TBC1D22A: variants seen among roughly 807,000 people sequenced by gnomAD.
TBC1D22A encodes the protein TBC1 domain family member 22A.
Under a neutral mutation model 60.2 loss-of-function variants are expected in TBC1D22A, and 38 were observed. That is an observed-to-expected ratio of 0.63 (90% CI 0.49 to 0.83). The LOEUF is 0.83. Among genes scored for constraint, TBC1D22A ranks in the 40% least tolerant of loss-of-function variants. The probability of loss-of-function intolerance (pLI) is 0.00; values close to 1 mark genes in which losing one functional copy is unlikely to be tolerated. For missense variants in TBC1D22A, 628 were observed against 701.0 expected (o/e 0.90, Z 1.18); for synonymous variants, 302 against 281.7 (o/e 1.07, Z -0.72).
chr22:47,103,148 A>T (rs1030460895), intron 11 of TBC1D22A, among the ~76,000 whole-genome samples: 1 of 152,090 alleles, frequency 6.6e-6, no homozygotes, highest in Non-Finnish European at 1.5e-5. Context: ...GCTCCTGGTA[A>T]CCCAAGGTGG....
intron 10 of TBC1D22A, among the ~76,000 whole-genome samples, chr22:47,025,761 A>G (rs1344355688): frequency 1.3e-5 from 2 of 152,174 alleles, no homozygotes; most frequent in Non-Finnish European, 2.9e-5. Context: ...GGAAACGTAT[A>G]GTATAGAGTG....
At chr22:46,765,496 C>G (rs1349125365) in intron 1 of TBC1D22A, among the ~76,000 whole-genome samples, 3 of 152,020 alleles carry the variant, frequency 2.0e-5, no homozygotes. Flanking sequence ...GATGGAGTCT[C>G]ACTGTGTTGC....
intron 8 of TBC1D22A, among the ~76,000 whole-genome samples, chr22:46,944,181 C>G (rs542915277): frequency 1.3e-5 from 2 of 152,220 alleles, no homozygotes; most frequent in African/African-American, 4.8e-5. Context: ...TGTTTCTCCA[C>G]ATCCCTGTCA....
chr22:46,998,267 T>G (rs2075188089), intron 10 of TBC1D22A, among the ~76,000 whole-genome samples: 1 of 152,178 alleles, frequency 6.6e-6, no homozygotes, highest in African/African-American at 2.4e-5. Context: ...CATATTACAA[T>G]AGCAGAGTTT....
intron 10 of TBC1D22A, among the ~76,000 whole-genome samples, chr22:47,023,864 A>G (rs764814916): frequency 3.3e-5 from 5 of 152,256 alleles, no homozygotes; most frequent in Non-Finnish European, 7.3e-5. Context: ...GGTGGAAGGA[A>G]TATGGTCCTA....
intron 4 of TBC1D22A, among the ~76,000 whole-genome samples, chr22:46,811,578 C>T (rs79572487): frequency 0.074 from 11,247 of 152,230 alleles, 582 homozygotes; most frequent in Non-Finnish European, 0.11. Flanking sequence ...TCACAAGCAA[C>T]GGTCACAACG....
At chr22:46,850,474 A>C (rs1319669095) in intron 4 of TBC1D22A, among the ~76,000 whole-genome samples, 2 of 152,252 alleles carry the variant, frequency 1.3e-5, no homozygotes, top group African/African-American at 4.8e-5. Context: ...AGTTGTACCC[A>C]CTAGGATGAT....
chr22:46,869,828 G>A (rs998535304), intron 4 of TBC1D22A, among the ~76,000 whole-genome samples: 2 of 152,188 alleles, frequency 1.3e-5, no homozygotes, highest in Non-Finnish European at 2.9e-5. Context: ...AAAAAAAGAC[G>A]CTTAAATGAT....
intron 12 of TBC1D22A, among the ~76,000 whole-genome samples, chr22:47,126,920 C>CT (rs2066478821): frequency 1.3e-5 from 2 of 152,312 alleles, no homozygotes; most frequent in Admixed American, 6.5e-5. Context: ...TCTAGGGCTG[C>CT]TGGAGGGTCA....
At chr22:47,080,869 T>G (rs1027452811) in intron 11 of TBC1D22A, among the ~76,000 whole-genome samples, 12 of 152,132 alleles carry the variant, frequency 7.9e-5, no homozygotes, top group African/African-American at 2.7e-4. Flanking sequence ...ACGCCTGTAA[T>G]CCCAGCACTT....
chr22:46,951,849 A>C (rs1352822013), intron 8 of TBC1D22A, among the ~76,000 whole-genome samples: 4 of 152,248 alleles, frequency 2.6e-5, no homozygotes, highest in Non-Finnish European at 5.9e-5. Flanking sequence ...ATCCCTGAGC[A>C]CATCCAGGTG....
intron 11 of TBC1D22A, among the ~76,000 whole-genome samples, chr22:47,068,051 C>G (rs1300980671): frequency 6.6e-6 from 1 of 152,246 alleles, no homozygotes; most frequent in Non-Finnish European, 1.5e-5. Context: ...CACCAGAGTC[C>G]GCGAAAGCGC....
At chr22:47,089,168 G>A (rs946929300) in intron 11 of TBC1D22A, among the ~76,000 whole-genome samples, 8 of 152,154 alleles carry the variant, frequency 5.3e-5, no homozygotes, top group Admixed American at 1.3e-4. Context: ...AGAACAAAGT[G>A]ACAGCAGAAA....
intron 12 of TBC1D22A, among the ~76,000 whole-genome samples, chr22:47,125,396 C>T (rs2066418495): frequency 6.6e-6 from 1 of 152,244 alleles, no homozygotes. Context: ...AGAGCATCTT[C>T]TGTTCCTAGT....
chr22:47,048,767 T>TG lies in TBC1D22A; in HGVS notation c.1329+11575dup, dbSNP rs768832617. ...AGGCTGACTTACTGTTGCCCAGCTC[T>TG]GGGGGGAGGTGGGGCACCTGCCGCA... On this transcript the variant is annotated intron_variant, in intron 11 of 12. Transcript: ENST00000337137. Among the ~76,000 whole-genome samples, 204 of 152,132 alleles carry TG rather than the reference T, an allele frequency of 1.3e-3. 1 individual carries two copies. Among genetic ancestry groups the TG allele is most frequent in the Non-Finnish European group, 2.1e-3 (140 of 67,990 alleles).
At chr22:47,086,087 G>A (rs532429290) in intron 11 of TBC1D22A, among the ~76,000 whole-genome samples, 76 of 152,338 alleles carry the variant, frequency 5.0e-4, no homozygotes, top group African/African-American at 1.8e-3. Context: ...GTGTCAGGAC[G>A]TGTCCATTGG....
intron 8 of TBC1D22A, among the ~76,000 whole-genome samples, chr22:46,942,008 C>CAT (rs1555960665): frequency 0.095 from 12,748 of 133,496 alleles, 714 homozygotes; most frequent in African/African-American, 0.17. Context: ...CACCAGCATA[C>CAT]ATATATATAT....
At chr22:47,091,415 A>T (rs78441984) in intron 11 of TBC1D22A, among the ~76,000 whole-genome samples, 631 of 91,060 alleles carry the variant, frequency 6.9e-3, no homozygotes, top group East Asian at 0.012. Context: ...TTTGGTGGGG[A>T]GTGGCCTCGC....
chr22:46,857,255 TTGCTC>T (rs2087616638), intron 4 of TBC1D22A, among the ~76,000 whole-genome samples: 1 of 152,236 alleles, frequency 6.6e-6, no homozygotes, highest in Non-Finnish European at 1.5e-5. Context: ...AGAGCTCTCT[TTGCTC>T]TGCTGCCATC....
Sources: allele counts gnomAD v4.1 joint callset (sites outside exome capture counted in the v4.1 genomes callset), GRCh38; gene constraint gnomAD v4.1.1; transcripts MANE v1.5; gene names NCBI Gene and HGNC (gene_info 2026-07-23, HGNC 2026-07-21).